The following SNX29 variants were observed in gnomAD, a reference collection of about 807,000 sequenced individuals.
SNX29 encodes the protein sorting nexin 29.
Under a neutral mutation model 102.1 loss-of-function variants are expected in SNX29, and 78 were observed. The observed-to-expected ratio is 0.76, with a 90% CI of 0.64 to 0.92. The LOEUF is 0.92. Among genes scored for constraint, SNX29 ranks in the 40% least tolerant of loss-of-function variants. The pLI, the probability that SNX29 is intolerant of heterozygous loss-of-function variation, is 0.00. For missense variants in SNX29, 1,280 were observed against 1,061.7 expected (o/e 1.21, Z -2.86); for synonymous variants, 580 against 414.5 (o/e 1.40, Z -4.85).
rs1392952316 is a variant in SNX29, at chr16:12,573,338, G to A, written c.*4709G>A. ...TGGGTACTCTGAATTATGTCATGGA[G>A]TAGACAGTTACTTCTAAATCCCAGC... On this transcript the variant is annotated 3_prime_UTR_variant, in exon 21 of 21. Coordinates refer to ENST00000566228, the MANE Select transcript of SNX29 (RefSeq NM_032167.5). 1.3e-5 allele frequency: 3 copies of A among 225,624 alleles called. No individual in the cohort carries two copies. The highest frequency in any genetic ancestry group is 4.5e-5 in the African/African-American group (2 of 44,938). The allele number at this position is 225,624 out of a possible 1,614,324, so 14.0% of individuals were successfully genotyped here. A position where few individuals can be genotyped will look rare whatever the true frequency, so the allele number is the denominator to read the frequency against.
At position 12,015,356 on chromosome 16, in the gene SNX29, T is replaced by C. The variant is rs2056812704; in HGVS notation, c.123-11964T>C. 2.0e-5 allele frequency among the ~76,000 whole-genome samples: 3 copies of C among 152,194 alleles called. No homozygotes were observed. In the South Asian group the frequency reaches 6.2e-4, roughly 32 times the overall value. The stretch of plus-strand genomic sequence containing the variant: ...CTCTGGTTCAAGTGATTCTCCTGCC[T>C]CAGCGTCCGGAGTAGCTGGGATTAC... On this transcript the variant is annotated intron_variant, in intron 3 of 20. Coordinates refer to ENST00000566228, the MANE Select transcript of SNX29 (RefSeq NM_032167.5).
At chr16:12,040,962 C>T (rs907227816) in intron 4 of SNX29, among the ~76,000 whole-genome samples, 11 of 150,490 alleles carry the variant, frequency 7.3e-5, no homozygotes, top group Admixed American at 2.0e-4. Context: ...TACAGGCGTG[C>T]GCCACCACAC....
intron 15 of SNX29, among the ~76,000 whole-genome samples, chr16:12,298,775 C>T (rs1035923410): frequency 2.6e-5 from 4 of 152,060 alleles, no homozygotes; most frequent in South Asian, 2.1e-4. Context: ...TCCCCAGGGG[C>T]CCAGGGGTGA....
intron 16 of SNX29, among the ~76,000 whole-genome samples, chr16:12,366,219 C>A (rs2082475166): frequency 6.6e-6 from 1 of 152,076 alleles, no homozygotes; most frequent in East Asian, 1.9e-4. Context: ...CCTCAAGGGT[C>A]ACACACGGGG....
intron 14 of SNX29, among the ~76,000 whole-genome samples, chr16:12,218,899 C>G (rs1477160184): frequency 2.6e-5 from 4 of 152,126 alleles, no homozygotes; most frequent in Non-Finnish European, 5.9e-5. Flanking sequence ...CTCAGCCTCC[C>G]AAGTAGCTGG....
intron 18 of SNX29, among the ~76,000 whole-genome samples, chr16:12,441,436 T>A (rs1466458360): frequency 2.6e-5 from 4 of 152,178 alleles, no homozygotes; most frequent in African/African-American, 9.7e-5. Context: ...TTTGGGTAGA[T>A]CACATTTTTC....
chr16:12,435,598 G>A (rs1050084968), intron 18 of SNX29, among the ~76,000 whole-genome samples: 5 of 152,214 alleles, frequency 3.3e-5, no homozygotes, highest in Admixed American at 6.5e-5. Context: ...ACCAGAGGAC[G>A]CAGTTTAGAA....
intron 15 of SNX29, among the ~76,000 whole-genome samples, chr16:12,327,192 C>G (rs2081145268): frequency 1.3e-5 from 2 of 152,080 alleles, no homozygotes; most frequent in Admixed American, 1.3e-4. Flanking sequence ...ATGTTACTGT[C>G]TTGGTCAGTA....
At chr16:12,162,104 G>A (rs995763562) in intron 13 of SNX29, among the ~76,000 whole-genome samples, 6 of 152,040 alleles carry the variant, frequency 3.9e-5, no homozygotes, top group African/African-American at 9.7e-5. Context: ...ACTTCCTGCC[G>A]GGCTTTGACT....
chr16:12,407,325 A>AT (rs1335835791), intron 18 of SNX29, among the ~76,000 whole-genome samples: 1 of 103,504 alleles, frequency 9.7e-6, no homozygotes, highest in Non-Finnish European at 2.1e-5. Context: ...GGTTAATTAG[A>AT]TTGTTTTTTT....
At chr16:12,018,475 C>G (rs566629762) in intron 3 of SNX29, among the ~76,000 whole-genome samples, 2 of 150,214 alleles carry the variant, frequency 1.3e-5, no homozygotes, top group African/African-American at 4.9e-5. Context: ...CCCAGCCACT[C>G]GGGAGGCTGA....
At chr16:12,156,272 C>G (rs1597065170) in intron 13 of SNX29, among the ~76,000 whole-genome samples, 2 of 152,228 alleles carry the variant, frequency 1.3e-5, no homozygotes, top group East Asian at 3.9e-4. Context: ...CTCCCAGATT[C>G]AAGCGATTCT....
At chr16:12,184,557 G>A (rs1324948457) in intron 13 of SNX29, among the ~76,000 whole-genome samples, 2 of 152,258 alleles carry the variant, frequency 1.3e-5, no homozygotes, top group African/African-American at 2.4e-5. Flanking sequence ...TTCCCTCATG[G>A]TCTTCAAACT....
chr16:12,291,807 G>T (rs972444877), intron 15 of SNX29, among the ~76,000 whole-genome samples: 1 of 152,178 alleles, frequency 6.6e-6, no homozygotes, highest in African/African-American at 2.4e-5. Context: ...ACTGTTGCTA[G>T]GGGAAGCGGA....
chr16:12,536,975 G>A (rs921048270), intron 20 of SNX29, among the ~76,000 whole-genome samples: 10 of 148,862 alleles, frequency 6.7e-5, no homozygotes, highest in East Asian at 1.9e-4. Context: ...GAGAGAACCC[G>A]TCTTAAAAAA....
At chr16:12,519,194 G>A (rs1471594281) in intron 19 of SNX29, among the ~76,000 whole-genome samples, 2 of 152,196 alleles carry the variant, frequency 1.3e-5, no homozygotes, top group African/African-American at 4.8e-5. Flanking sequence ...ACATTGCTCA[G>A]GCCATACAAA....
intron 11 of SNX29, among the ~76,000 whole-genome samples, chr16:12,113,710 G>A (rs1292304387): frequency 2.0e-5 from 3 of 152,228 alleles, no homozygotes; most frequent in African/African-American, 7.2e-5. Flanking sequence ...ACAGATGTTG[G>A]CCTCGCAGCC....
intron 15 of SNX29, among the ~76,000 whole-genome samples, chr16:12,301,797 C>T (rs565203080): frequency 1.1e-4 from 16 of 152,286 alleles, no homozygotes; most frequent in South Asian, 4.2e-4. Context: ...ACTCTAGTCG[C>T]GGTTTGCCTT....
rs886172159 is a variant in SNX29 at position 12,337,952 on chromosome 16, C to T, written c.1783-18211C>T. On this transcript the variant is annotated intron_variant, in intron 15 of 20. Coordinates refer to ENST00000566228, the MANE Select transcript of SNX29 (RefSeq NM_032167.5). ...GACACTTCCATGGCCCTCTCACAGCCGCTTCACCTTGAAAGTGCTGCGGTC... is the reference window on the plus strand; with the variant it reads ...GACACTTCCATGGCCCTCTCACAGCTGCTTCACCTTGAAAGTGCTGCGGTC... 4.9e-4 allele frequency among the ~76,000 whole-genome samples: 75 copies of T among 152,322 alleles called. 1 individual carries two copies. Among genetic ancestry groups the T allele is most frequent in the African/African-American group, 1.7e-3 (70 of 41,572 alleles).
Sources: gnomAD v4.1 joint callset for allele counts (sites outside exome capture counted in the v4.1 genomes callset) on GRCh38, gnomAD v4.1.1 for gene constraint, MANE v1.5 for transcripts, NCBI Gene and HGNC (gene_info 2026-07-23, HGNC 2026-07-21) for gene names.